Variants in ERICH1 observed in about 807,000 individuals in gnomAD.
ERICH1 encodes the protein glutamate rich 1, also known as glutamate-rich protein 1.
A neutral mutation model predicts 39.6 loss-of-function variants in ERICH1; 56 were observed. The ratio of observed to expected loss-of-function variants is 1.41; its 90% CI spans 1.14 to 1.77. The LOEUF (loss-of-function observed/expected upper bound fraction) is 1.77, where lower values mean the gene tolerates loss of function less well. ERICH1 is among the 40% of genes most tolerant of loss of function. The pLI is 0.00. For missense variants in ERICH1, 826 were observed against 575.4 expected, an observed-to-expected ratio of 1.44 and a Z score of -4.45; for synonymous variants, 313 against 223.6, an observed-to-expected ratio of 1.40 and a Z score of -3.57.
chr8:689,517 ACACC>A (rs1808419383), intron 3 of ERICH1, among the ~76,000 whole-genome samples: 1 of 152,172 alleles, frequency 6.6e-6, no homozygotes, highest in South Asian at 2.1e-4. Flanking sequence ...CGGTGCCCCC[ACACC>A]CCTTGTCTCC....
At position 692,536 on chromosome 8, in the gene ERICH1, C is replaced by T. The variant is rs1809144682; in HGVS notation, c.246G>A (p.Trp82Ter). ...GGCTCCCACAGCTGCTGGGCTCCGG[C>T]CAACAGGGGACGTAGCCCTCAGGAG... ...SGPPEGYVPCWPEPSSCGSPE... is the reference protein window; with the variant it reads ...SGPPEGYVPC The change falls in exon 3 of 6, where the codon TGG becomes TGA. Residue 82 changes from tryptophan (W) to a stop codon, truncating the protein, a stop_gained. Transcript: ENST00000262109. LOFTEE classifies it high-confidence loss of function. 1.9e-6 allele frequency: 3 copies of T among 1,613,950 alleles called. No individual in the cohort carries two copies. The highest frequency in any genetic ancestry group is 2.5e-6 in the Non-Finnish European group (3 of 1,179,998).
chr8:652,370 G>A (rs1025237102), intron 3 of ERICH1, among the ~76,000 whole-genome samples: 7 of 152,204 alleles, frequency 4.6e-5, no homozygotes, highest in African/African-American at 1.4e-4. Context: ...ACACAGGCTC[G>A]CAACCAAATG....
At chr8:688,578 G>T (rs1022446522) in intron 3 of ERICH1, among the ~76,000 whole-genome samples, 1 of 152,126 alleles carries the variant, frequency 6.6e-6, no homozygotes, top group African/African-American at 2.4e-5. Context: ...ATTTGATTCA[G>T]TGAATTACTT....
At chr8:618,326 C>T (rs1563158135) in intron 3 of ERICH1, among the ~76,000 whole-genome samples, 2 of 151,612 alleles carry the variant, frequency 1.3e-5, no homozygotes, top group Admixed American at 1.3e-4. Flanking sequence ...CTCTGTGTTC[C>T]ATCTGTCCTC....
chr8:699,408 T>C (rs568838077), intron 2 of ERICH1, among the ~76,000 whole-genome samples: 1 of 152,260 alleles, frequency 6.6e-6, no homozygotes, highest in African/African-American at 2.4e-5. Flanking sequence ...TCTGTATCAA[T>C]GCGAGGCCAC....
chr8:619,240 C>G (rs574296035), intron 3 of ERICH1, among the ~76,000 whole-genome samples: 33 of 152,280 alleles, frequency 2.2e-4, no homozygotes, highest in African/African-American at 7.9e-4. Context: ...GCCTTGAGAA[C>G]AGAAAGGGCA....
intron 3 of ERICH1, among the ~76,000 whole-genome samples, chr8:642,529 A>C (rs1389205840): frequency 6.6e-6 from 1 of 151,782 alleles, no homozygotes; most frequent in Non-Finnish European, 1.5e-5. Context: ...TATTTTTAGT[A>C]GAGACGGGGT....
At position 645,742 on chromosome 8, in the gene ERICH1, G is replaced by C. The variant is rs1166209788; in HGVS notation, c.976+22856C>G. ...TCCTGGAAGCAGTCCCCCCACCTCA[G>C]CCTCCCAAAGTGCTGGGATTACAGG... On this transcript the variant is annotated intron_variant, in intron 3 of 3. Transcript: ENST00000522706. Among the ~76,000 whole-genome samples the C allele has an allele frequency of 7.2e-5, 5 of 69,126 alleles. 1 individual carries two copies. The highest frequency in any genetic ancestry group is 1.8e-4 in the African/African-American group (5 of 27,446). 45.3% of individuals were successfully genotyped at this position (69,126 alleles called of 152,430 possible).
intron 5 of ERICH1, among the ~76,000 whole-genome samples, chr8:665,371 G>C (rs753248656): frequency 6.6e-5 from 10 of 152,206 alleles, no homozygotes; most frequent in Non-Finnish European, 1.2e-4. Context: ...CTGGCTGCCA[G>C]TGAAGGCCCT....
chr8:701,651 A>AT (rs1425632712), intron 2 of ERICH1, among the ~76,000 whole-genome samples: 1 of 152,206 alleles, frequency 6.6e-6, no homozygotes, highest in Non-Finnish European at 1.5e-5. Context: ...TGATACGTGT[A>AT]TTTTTTTGCA....
At chr8:693,156 C>G (rs1255618874) in intron 2 of ERICH1, among the ~76,000 whole-genome samples, 1 of 151,974 alleles carries the variant, frequency 6.6e-6, no homozygotes, top group Non-Finnish European at 1.5e-5. Context: ...GACACAGAGA[C>G]ACCATGCACA....
At chr8:703,378 G>A (rs529006791) in intron 2 of ERICH1, among the ~76,000 whole-genome samples, 4 of 152,294 alleles carry the variant, frequency 2.6e-5, no homozygotes, top group Admixed American at 6.5e-5. Context: ...AAAAGTAGAC[G>A]GGATGCTGAA....
At chr8:665,270 C>T (rs547206969) in intron 5 of ERICH1, among the ~76,000 whole-genome samples, 3 of 152,334 alleles carry the variant, frequency 2.0e-5, no homozygotes, top group South Asian at 2.1e-4. Flanking sequence ...TCCCCGGCTC[C>T]GACCTCTGAG....
At chr8:652,439 T>A (rs529397847) in intron 3 of ERICH1, among the ~76,000 whole-genome samples, 2 of 152,222 alleles carry the variant, frequency 1.3e-5, no homozygotes, top group African/African-American at 4.8e-5. Context: ...AGTGGGGAAA[T>A]CTAGATAGGA....
rs1805508018 is a variant in ERICH1 at position 679,084 on chromosome 8, T to A, written c.305-5037A>T. ...TCACAGCTCCCACCCCTTACAGCAG[T>A]GACCCCTCACAGCTCCGACTCCTCA... On this transcript the variant is annotated intron_variant, in intron 3 of 5. Coordinates refer to ENST00000262109, the MANE Select transcript of ERICH1 (RefSeq NM_207332.3). Among the ~76,000 whole-genome samples the A allele has an allele frequency of 2.9e-5, 4 of 138,540 alleles. No individual in the cohort carries two copies. The Admixed American group carries it at 2.9e-4, about 10-fold the overall frequency. The allele number at this position is 138,540 out of a possible 152,430, so 90.9% of individuals were successfully genotyped here. A position where few individuals can be genotyped will look rare whatever the true frequency, so the allele number is the denominator to read the frequency against.
At chr8:712,004 G>T (rs1023489257) in intron 2 of ERICH1, among the ~76,000 whole-genome samples, 5 of 152,114 alleles carry the variant, frequency 3.3e-5, no homozygotes, top group African/African-American at 1.2e-4. Flanking sequence ...TAATCTATGT[G>T]TCTACTCTTT....
chr8:728,422 C>T (rs1043117427), intron 1 of ERICH1, among the ~76,000 whole-genome samples: 2 of 152,148 alleles, frequency 1.3e-5, no homozygotes, highest in African/African-American at 4.8e-5. Context: ...CCGGGCAGCT[C>T]CTAAGGTCCT....
chr8:721,364 T>G (rs1267992212), intron 1 of ERICH1, among the ~76,000 whole-genome samples: 2 of 152,230 alleles, frequency 1.3e-5, no homozygotes, highest in Non-Finnish European at 2.9e-5. Context: ...TGCTGGCAGA[T>G]TCACAGACGA....
In ERICH1 at chr8:646,570, A is replaced by G. The variant is rs1286596823; in HGVS notation, c.976+22028T>C. 1.6e-4 allele frequency among the ~76,000 whole-genome samples: 11 copies of G among 68,864 alleles called. 4 individuals carry two copies. Among genetic ancestry groups the G allele is most frequent in the African/African-American group, 4.0e-4 (11 of 27,328 alleles). 45.2% of individuals were successfully genotyped at this position (68,864 alleles called of 152,430 possible). Reference sequence around the variant, plus strand: ...ATGGAAGTTGCCAGGCAGATGAACTATATGCCGACAGCTCCAGCCTGTCCT... The same window carrying G: ...ATGGAAGTTGCCAGGCAGATGAACTGTATGCCGACAGCTCCAGCCTGTCCT... On this transcript the variant is annotated intron_variant, in intron 3 of 3. Transcript: ENST00000522706.
Sources: gnomAD v4.1 joint callset for allele counts (sites outside exome capture counted in the v4.1 genomes callset) on GRCh38, gnomAD v4.1.1 for gene constraint, MANE v1.5 for transcripts, NCBI Gene and HGNC (gene_info 2026-07-23, HGNC 2026-07-21) for gene names.